The following S100Z variants were observed in gnomAD, a reference collection of about 807,000 sequenced individuals.
S100Z encodes protein S100-Z.
In S100Z, 11 loss-of-function variants were observed where a neutral mutation model predicts 8.5. The ratio of observed to expected loss-of-function variants is 1.30; its 90% confidence interval spans 0.82 to 2.15. S100Z has a LOEUF of 2.15. S100Z is among the 30% of genes most tolerant of loss of function. The probability of loss-of-function intolerance (pLI) is 0.00; values close to 1 mark genes in which losing one functional copy is unlikely to be tolerated. For synonymous variants in S100Z, 34 were observed against 43.8 expected, an observed-to-expected ratio of 0.78 and a Z score of 0.89; for missense variants, 126 against 117.9, an observed-to-expected ratio of 1.07 and a Z score of -0.32.
chr5:76,894,059 T>C (rs144801696), intron 4 of S100Z, among the ~76,000 whole-genome samples: 75 of 152,306 alleles, frequency 4.9e-4, no homozygotes, highest in African/African-American at 1.8e-3. Context: ...ACGTGCCTCA[T>C]TGTACCTCTT....
intron 4 of S100Z, among the ~76,000 whole-genome samples, chr5:76,885,283 G>A (rs927637903): frequency 6.6e-6 from 1 of 152,146 alleles, no homozygotes; most frequent in African/African-American, 2.4e-5. Context: ...GGAGAGAAGG[G>A]GTAGGGGGTG....
intron 4 of S100Z, among the ~76,000 whole-genome samples, chr5:76,919,995 G>A (rs538622048): frequency 6.8e-6 from 1 of 146,784 alleles, no homozygotes; most frequent in Non-Finnish European, 1.5e-5. Flanking sequence ...TGCAACCTCC[G>A]CCTCCCGAGT....
At position 76,910,791 on chromosome 5, in the gene S100Z, C is replaced by T. The variant is rs143127693; in HGVS notation, c.*3-9926C>T. Among the ~76,000 whole-genome samples the T allele has an allele frequency of 4.1e-3, 623 of 152,274 alleles. 1 individual carries two copies. Among genetic ancestry groups the T allele is most frequent in the African/African-American group, 0.014 (583 of 41,550 alleles). On this transcript the variant is annotated intron_variant, in intron 4 of 4. Coordinates refer to ENST00000317593, the MANE Select transcript of S100Z (RefSeq NM_130772.4). ...ATTGACTTCCTCCTGGACACTGGCG[C>T]GGCCTTCTCAGTGTTAATCTCCTGT...
chr5:76,934,964 A>C, the S100Z span, among the ~76,000 whole-genome samples: 1 of 152,186 alleles, frequency 6.6e-6, no homozygotes, highest in Admixed American at 6.5e-5. Context: ...CCCATGAGTC[A>C]TCCTTTCATG....
intron 1 of S100Z, among the ~76,000 whole-genome samples, 180 bp downstream of exon 1, chr5:76,850,335 G>GGAGA (rs1172691001): frequency 1.1e-4 from 12 of 111,054 alleles, no homozygotes; most frequent in African/African-American, 1.9e-4. Context: ...GGGGGGTGGG[G>GGAGA]GAGAGAGAGA....
rs185570024 is a variant in S100Z at position 76,865,333 on chromosome 5, C to T, written c.-175-4833C>T. ...GATCTTGGCTCACTGCAACCTCCGC[C>T]TCCCGGCTTCAAGTGATTCTCCTGC... On this transcript the variant is annotated intron_variant, in intron 1 of 4. Coordinates refer to ENST00000317593, the MANE Select transcript of S100Z (RefSeq NM_130772.4). 2.9e-3 allele frequency among the ~76,000 whole-genome samples: 432 copies of T among 151,512 alleles called. 2 individuals carry two copies. Among genetic ancestry groups the T allele is most frequent in the African/African-American group, 9.6e-3 (397 of 41,224 alleles).
chr5:76,906,838 G>A (rs1432231120), intron 4 of S100Z, among the ~76,000 whole-genome samples: 2 of 151,376 alleles, frequency 1.3e-5, no homozygotes, highest in East Asian at 3.9e-4. Flanking sequence ...TCACTGTGTT[G>A]GCCAGGCTGG....
At chr5:76,912,262 G>A (rs187396432) in intron 4 of S100Z, among the ~76,000 whole-genome samples, 41 of 152,250 alleles carry the variant, frequency 2.7e-4, no homozygotes, top group African/African-American at 9.6e-4. Context: ...ATACATATGT[G>A]CATGGCCTCA....
intron 4 of S100Z, among the ~76,000 whole-genome samples, chr5:76,884,846 C>T (rs941355842): frequency 6.6e-6 from 1 of 151,588 alleles, no homozygotes; most frequent in South Asian, 2.1e-4. Context: ...CAGATGAGTC[C>T]GTAGAAAAGA....
At chr5:76,924,369 C>T (rs1745098812), downstream of S100Z, among the ~76,000 whole-genome samples, 1 of 152,074 alleles carries the variant, frequency 6.6e-6, no homozygotes, top group African/African-American at 2.4e-5. Flanking sequence ...CCTTTTTCTC[C>T]TATTAATCTT....
chr5:76,865,842 G>A (rs192459293), intron 1 of S100Z, among the ~76,000 whole-genome samples: 2,872 of 149,710 alleles, frequency 0.019, 33 homozygotes, highest in Non-Finnish European at 0.027. Context: ...GTGAAACCCC[G>A]TCTCTACTAA....
At chr5:76,952,919 G>A in the S100Z span, 1 of 557,716 alleles carries the variant, frequency 1.8e-6, no homozygotes, top group Non-Finnish European at 3.2e-6. Flanking sequence ...CTGGACCCTC[G>A]TCATCGCCAC....
At chr5:76,898,626 C>T (rs1269137569) in intron 4 of S100Z, among the ~76,000 whole-genome samples, 1 of 151,928 alleles carries the variant, frequency 6.6e-6, no homozygotes, top group South Asian at 2.1e-4. Flanking sequence ...TGTTGAACCA[C>T]TCTTGCATTC....
At chr5:76,880,478 C>T (rs976216381) in intron 4 of S100Z, among the ~76,000 whole-genome samples, 1 of 151,942 alleles carries the variant, frequency 6.6e-6, no homozygotes, top group African/African-American at 2.4e-5. Flanking sequence ...GACGTGGGAA[C>T]CTAGAGTGGG....
At chr5:76,853,558 G>A (rs1750791448) in intron 1 of S100Z, among the ~76,000 whole-genome samples, 1 of 152,138 alleles carries the variant, frequency 6.6e-6, no homozygotes, top group African/African-American at 2.4e-5. Context: ...CACTTTGGGA[G>A]GCTGAGGCAG....
the S100Z span, among the ~76,000 whole-genome samples, chr5:76,932,885 T>A: frequency 6.6e-6 from 1 of 152,324 alleles, no homozygotes; most frequent in South Asian, 2.1e-4. Context: ...CTCTGTAATA[T>A]TTAACACCTA....
At position 76,875,503 on chromosome 5, in the gene S100Z, G is replaced by A; in HGVS notation, c.141+3G>A. 1 of 1,601,784 alleles carries A rather than the reference G, an allele frequency of 6.2e-7. No individual in the cohort carries two copies. Among genetic ancestry groups the A allele is most frequent in the Middle Eastern group, 1.7e-4 (1 of 5,968 alleles). ...GAGAGCTCACGGAATTCCTCTCGGT[G>A]AGTCAGGCCTTTGTAAATGCTGTAT... On this transcript the variant is annotated splice_donor_region_variant and intron_variant, in intron 3 of 4. Transcript: ENST00000317593.
the S100Z span, among the ~76,000 whole-genome samples, chr5:76,934,387 C>T: frequency 3.0e-4 from 46 of 152,244 alleles, 1 homozygote; most frequent in East Asian, 6.4e-3. Flanking sequence ...GGAAAGATGG[C>T]GGCAGAGAAA....
At chr5:76,906,979 T>TAC in intron 4 of S100Z, among the ~76,000 whole-genome samples, 1 of 1,778 alleles carries the variant, frequency 5.6e-4, no homozygotes, top group South Asian at 8.3e-3. Flanking sequence ...TGTGTGTGTA[T>TAC]ATATATATAT....
Sources: allele counts gnomAD v4.1 joint callset (sites outside exome capture counted in the v4.1 genomes callset), GRCh38; gene constraint gnomAD v4.1.1; transcripts MANE v1.5; gene names NCBI Gene and HGNC (gene_info 2026-07-23, HGNC 2026-07-21).